Variants in SLC8A1 observed in about 807,000 individuals in gnomAD.
SLC8A1 encodes sodium/calcium exchanger 1.
A neutral mutation model predicts 68.3 loss-of-function variants in SLC8A1; 18 were observed. That is an observed-to-expected ratio of 0.26 (90% CI 0.18 to 0.39). The LOEUF (loss-of-function observed/expected upper bound fraction) is 0.39. Among genes scored for constraint, SLC8A1 ranks in the 10% least tolerant of loss-of-function variants. The pLI is 1.00. For synonymous variants in SLC8A1, 475 were observed against 415.5 expected, an observed-to-expected ratio of 1.14 and a Z score of -1.74; for missense variants, 985 against 1,156.7, an observed-to-expected ratio of 0.85 and a Z score of 2.15.
At position 40,252,055 on chromosome 2, in the gene SLC8A1, C is replaced by CAATAAATGGTTAA. The variant is rs1366587056; in HGVS notation, c.1809-74213_1809-74201dup. On this transcript the variant is annotated intron_variant, in intron 2 of 7. Coordinates refer to ENST00000406785, the Ensembl canonical transcript of SLC8A1. ...CAAATCTGCTAAATTGTTGAGCAAA[C>CAATAAATGGTTAA]AATAAATGGTTAATCAGTGTTGATG... is the stretch of plus-strand genomic sequence containing the variant. Among the ~76,000 whole-genome samples the CAATAAATGGTTAA allele has an allele frequency of 3.3e-5, 5 of 152,188 alleles. No individual in the cohort carries two copies. The South Asian group carries it at 1.0e-3, about 32-fold the overall frequency.
chr2:40,275,160 C>A (rs887681601), intron 2 of SLC8A1, among the ~76,000 whole-genome samples: 2 of 152,090 alleles, frequency 1.3e-5, no homozygotes, highest in Non-Finnish European at 2.9e-5. Context: ...TGTTGTATTG[C>A]AGTTTTTATT....
exon 8 of SLC8A1, chr2:40,109,222 T>C (rs1318336780): frequency 6.6e-6 from 1 of 152,156 alleles, no homozygotes; most frequent in African/African-American, 2.4e-5. Flanking sequence ...AGAAAAATAG[T>C]ACCCACAGAG....
chr2:40,281,669 G>A lies in SLC8A1; in HGVS notation c.1809-103814C>T, dbSNP rs1559081205. ...TTCAGGCAACTTACAAAGAAAAGCT[G>A]TTAAGTCTGTGGAGCTGGGAATGTC... On this transcript the variant is annotated intron_variant, in intron 2 of 7. Coordinates refer to ENST00000406785, the Ensembl canonical transcript of SLC8A1. Among the ~76,000 whole-genome samples the A allele has an allele frequency of 3.9e-5, 6 of 152,220 alleles. No individual in the cohort carries two copies. The South Asian group carries it at 1.2e-3, about 31-fold the overall frequency.
exon 2 of SLC8A1, chr2:40,429,101 G>A (rs1697647716): frequency 6.2e-7 from 1 of 1,612,950 alleles, no homozygotes; most frequent in African/African-American, 1.3e-5. Flanking sequence ...TTGACCTCGT[G>A]CATGCTGACA....
intron 6 of SLC8A1, 83 bp from the exon 10 acceptor site, chr2:40,139,759 G>T: frequency 6.9e-7 from 1 of 1,452,910 alleles, no homozygotes; most frequent in South Asian, 1.3e-5. Flanking sequence ...TATCTAGGTC[G>T]GTCATCCCTC....
intron 1 of SLC8A1, among the ~76,000 whole-genome samples, chr2:40,437,088 T>C (rs930795612): frequency 2.0e-5 from 3 of 152,132 alleles, no homozygotes; most frequent in African/African-American, 7.2e-5. Context: ...ATGAGAAAAA[T>C]AAATGGTTCA....
chr2:40,282,885 T>C (rs2067729644), intron 2 of SLC8A1, among the ~76,000 whole-genome samples: 1 of 152,168 alleles, frequency 6.6e-6, no homozygotes, highest in Non-Finnish European at 1.5e-5. Flanking sequence ...CCAGTGAATC[T>C]TGAAGACCCT....
At chr2:40,228,670 G>A (rs2059286722) in intron 2 of SLC8A1, among the ~76,000 whole-genome samples, 1 of 152,158 alleles carries the variant, frequency 6.6e-6, no homozygotes, top group Non-Finnish European at 1.5e-5. Flanking sequence ...TTGGGTGGCA[G>A]GGAGCTTTTC....
chr2:40,099,950 C>T (rs1279170118), exon 8 of SLC8A1: 1 of 152,080 alleles, frequency 6.6e-6, no homozygotes, highest in Non-Finnish European at 1.5e-5. Flanking sequence ...CCTTTCTTTG[C>T]CCTTGTCCAG....
At chr2:40,173,782 C>T (rs2047968286) in intron 4 of SLC8A1, among the ~76,000 whole-genome samples, 1 of 152,112 alleles carries the variant, frequency 6.6e-6, no homozygotes, top group Non-Finnish European at 1.5e-5. Context: ...TGGAAGATGT[C>T]ACATACTGAT....
chr2:40,107,200 A>G (rs2034255557), exon 8 of SLC8A1: 1 of 142,934 alleles, frequency 7.0e-6, no homozygotes, highest in African/African-American at 2.6e-5. Flanking sequence ...CCGATTCGTG[A>G]ACCCGGGAGG....
chr2:40,173,214 G>A (rs67532383), intron 4 of SLC8A1, among the ~76,000 whole-genome samples: 2,807 of 152,100 alleles, frequency 0.018, 35 homozygotes, highest in Middle Eastern at 0.068. Flanking sequence ...TTTATCCTTG[G>A]GTGATAGAAT....
chr2:40,147,818 T>C (rs2042732556), intron 6 of SLC8A1, among the ~76,000 whole-genome samples: 1 of 152,244 alleles, frequency 6.6e-6, no homozygotes. Context: ...CTATGATTCA[T>C]CTATGAATGC....
At chr2:40,452,376 C>G (rs1234871796), upstream of SLC8A1, among the ~76,000 whole-genome samples, 1 of 152,102 alleles carries the variant, frequency 6.6e-6, no homozygotes, top group Non-Finnish European at 1.5e-5. Flanking sequence ...CAGCCTCTGC[C>G]GGCGAGCAGC....
chr2:40,209,497 G>A (rs2056174176), intron 2 of SLC8A1, among the ~76,000 whole-genome samples: 1 of 152,082 alleles, frequency 6.6e-6, no homozygotes, highest in East Asian at 1.9e-4. Flanking sequence ...GGACTTCTGA[G>A]GGAAATAGGG....
chr2:40,228,803 A>G (rs1440464978), intron 2 of SLC8A1, among the ~76,000 whole-genome samples: 1 of 152,188 alleles, frequency 6.6e-6, no homozygotes, highest in Non-Finnish European at 1.5e-5. Context: ...CACCAATCCA[A>G]GGTGAGGTGT....
Position 40,429,666 on chromosome 2 carries a change from A to G in SLC8A1, c.615T>C (p.Phe205=), listed in dbSNP as rs1402819675. ...CAAAGATGCTCCAGGCTGCTGTCAC[A>G]AAGAAGACACGCAAATGCTTAATCT... is the stretch of plus-strand genomic sequence containing the variant. Residue 205 remains phenylalanine, a synonymous_variant, in exon 2 of 8, where the codon TTT becomes TTC. Transcript: ENST00000406785. 6 of 1,613,910 alleles carry G rather than the reference A, an allele frequency of 3.7e-6. No homozygotes were observed. In the South Asian group the frequency reaches 6.6e-5, roughly 18 times the overall value.
intron 2 of SLC8A1, among the ~76,000 whole-genome samples, chr2:40,382,345 C>A (rs886394607): frequency 6.6e-6 from 1 of 151,908 alleles, no homozygotes; most frequent in Non-Finnish European, 1.5e-5. Flanking sequence ...ACCTAGTAGG[C>A]GGTCTTCAGG....
intron 5 of SLC8A1, among the ~76,000 whole-genome samples, chr2:40,162,646 T>G (rs1436339934): frequency 6.6e-6 from 1 of 152,214 alleles, no homozygotes; most frequent in Non-Finnish European, 1.5e-5. Flanking sequence ...ATATGTATCC[T>G]TCCTTGACCT....
Sources: gnomAD v4.1 joint callset for allele counts (sites outside exome capture counted in the v4.1 genomes callset) on GRCh38, gnomAD v4.1.1 for gene constraint, MANE v1.5 for transcripts, NCBI Gene and HGNC (gene_info 2026-07-23, HGNC 2026-07-21) for gene names.